CLYBL: variants seen among roughly 807,000 people sequenced by gnomAD.
The protein encoded by CLYBL is citramalyl-CoA lyase.
CLYBL carries 31 observed loss-of-function variants against 38.9 expected under a neutral mutation model. The ratio of observed to expected loss-of-function variants is 0.80; its 90% CI spans 0.60 to 1.08. The LOEUF (loss-of-function observed/expected upper bound fraction) is 1.08, where lower values mean the gene tolerates loss of function less well. Ranked by LOEUF, CLYBL falls within the 50% of genes least tolerant of loss-of-function variation. The pLI is 0.00. For missense variants in CLYBL, 434 were observed against 411.6 expected (o/e 1.05, Z -0.47); for synonymous variants, 171 against 158.6 (o/e 1.08, Z -0.59).
Position 99,866,245 on chromosome 13 carries a change from A to G in CLYBL, c.640A>G (p.Thr214Ala). The stretch of plus-strand genomic sequence containing the variant: ...TGTTAACATCCCATTTTCAGGTGCA[A>G]CAAGTAGTAAAGAAACCCTGGATAT... ...GEDFRASIGA[T>A]SSKETLDILY... The change falls in exon 6 of 9, where the codon ACA (threonine) becomes GCA (alanine). Residue 214 changes from threonine (T) to alanine (A), a missense_variant. Physicochemically the swap from Thr to Ala is moderately conservative, Grantham distance 58. Coordinates refer to ENST00000339105, the MANE Select transcript of CLYBL (RefSeq NM_206808.5). 1 of 1,613,468 alleles carries G rather than the reference A, an allele frequency of 6.2e-7. No homozygotes were observed. Among genetic ancestry groups the G allele is most frequent in the Non-Finnish European group, 8.5e-7 (1 of 1,179,944 alleles).
intron 1 of CLYBL, among the ~76,000 whole-genome samples, chr13:99,721,287 A>G (rs973392785): frequency 6.6e-6 from 1 of 150,440 alleles, no homozygotes; most frequent in African/African-American, 2.4e-5. Flanking sequence ...CAAGTGATCC[A>G]CCCGCCTCAG....
In CLYBL at chr13:99,891,322, C is replaced by T. The variant is rs145710863; in HGVS notation, c.932C>T (p.Ala311Val). 5.6e-6 allele frequency: 9 copies of T among 1,611,020 alleles called. No individual in the cohort carries two copies. The highest frequency in any genetic ancestry group is 7.6e-6 in the Non-Finnish European group (9 of 1,177,460). ...TTTGTATTCTCTGTTTTCCAGGGGG[C>T]CTTTACTTTCCAAGGGAGTATGATC... is the stretch of plus-strand genomic sequence containing the variant. ...FKEHQQLGKG[A>V]FTFQGSMIDM... Residue 311 changes from alanine to valine, a missense_variant, in exon 8 of 9, where the codon GCC becomes GTC. Transcript: ENST00000339105.
intron 2 of CLYBL, among the ~76,000 whole-genome samples, chr13:99,773,224 C>T (rs2049437104): frequency 6.6e-6 from 1 of 152,132 alleles, no homozygotes; most frequent in South Asian, 2.1e-4. Context: ...TTTAAAATCA[C>T]GACCTTCAGT....
intron 1 of CLYBL, among the ~76,000 whole-genome samples, chr13:99,651,919 A>G (rs549416932): frequency 7.5e-6 from 1 of 133,808 alleles, no homozygotes; most frequent in Non-Finnish European, 1.5e-5. Flanking sequence ...GCGACAAAGC[A>G]AGACTCCATC....
intron 1 of CLYBL, among the ~76,000 whole-genome samples, chr13:99,655,223 C>T (rs1026538590): frequency 4.0e-5 from 6 of 151,802 alleles, no homozygotes; most frequent in Non-Finnish European, 8.8e-5. Context: ...TTACAGGCAC[C>T]TGCCATCATG....
intron 2 of CLYBL, among the ~76,000 whole-genome samples, chr13:99,806,481 T>C (rs1225233025): frequency 6.6e-6 from 1 of 152,244 alleles, no homozygotes; most frequent in South Asian, 2.1e-4. Flanking sequence ...AGTATTGCAT[T>C]GTAATTAAGA....
chr13:99,713,586 C>G (rs980938163), intron 1 of CLYBL, among the ~76,000 whole-genome samples: 5 of 152,004 alleles, frequency 3.3e-5, no homozygotes, highest in African/African-American at 4.8e-5. Flanking sequence ...GTGATCCGCC[C>G]TCCTTGGCCT....
chr13:99,786,324 T>A (rs190801931), intron 2 of CLYBL, among the ~76,000 whole-genome samples: 1 of 152,074 alleles, frequency 6.6e-6, no homozygotes, highest in Admixed American at 6.6e-5. Context: ...GTCATTTACA[T>A]TAGGTATATT....
At chr13:99,641,046 C>T (rs2047085334) in intron 1 of CLYBL, among the ~76,000 whole-genome samples, 1 of 152,188 alleles carries the variant, frequency 6.6e-6, no homozygotes, top group Non-Finnish European at 1.5e-5. Context: ...TGAATCATAT[C>T]ACCAAATGAA....
downstream of CLYBL, among the ~76,000 whole-genome samples, chr13:99,897,324 C>T (rs1015647841): frequency 2.0e-5 from 3 of 152,196 alleles, no homozygotes; most frequent in Non-Finnish European, 4.4e-5. Flanking sequence ...CATCCTGGCC[C>T]CATTCCCCCT....
intron 1 of CLYBL, among the ~76,000 whole-genome samples, chr13:99,700,167 C>T (rs1031462140): frequency 6.6e-6 from 1 of 151,636 alleles, no homozygotes; most frequent in African/African-American, 2.4e-5. Flanking sequence ...AAAAACAGCA[C>T]CAAGGCCGGG....
At chr13:99,667,854 G>A (rs1281424636) in intron 1 of CLYBL, among the ~76,000 whole-genome samples, 1 of 152,126 alleles carries the variant, frequency 6.6e-6, no homozygotes, top group Admixed American at 6.5e-5. Context: ...GGAACAAAAG[G>A]ATAGATGCAT....
intron 1 of CLYBL, among the ~76,000 whole-genome samples, chr13:99,770,161 C>T (rs1336568106): frequency 4.4e-4 from 65 of 149,090 alleles, no homozygotes; most frequent in African/African-American, 1.6e-3. Flanking sequence ...GCTCACTGCT[C>T]ACTGCAACCT....
chr13:99,803,423 C>T (rs556043104), intron 2 of CLYBL, among the ~76,000 whole-genome samples: 8 of 152,226 alleles, frequency 5.3e-5, no homozygotes, highest in African/African-American at 4.8e-5. Flanking sequence ...ACATAAATGT[C>T]GTTAGTGTTT....
At chr13:99,877,951 C>G (rs937789929) in intron 7 of CLYBL, among the ~76,000 whole-genome samples, 1 of 151,528 alleles carries the variant, frequency 6.6e-6, no homozygotes, top group South Asian at 2.1e-4. Flanking sequence ...TTTTTTTCCC[C>G]CACTTTAGGT....
At chr13:99,721,446 T>A (rs1388878680) in intron 1 of CLYBL, among the ~76,000 whole-genome samples, 3 of 151,460 alleles carry the variant, frequency 2.0e-5, no homozygotes, top group Non-Finnish European at 2.9e-5. Flanking sequence ...TCAAATTAAT[T>A]TTTCTTTTTT....
chr13:99,641,541 C>T lies in CLYBL; in HGVS notation c.62+34784C>T, dbSNP rs188353319. On this transcript the variant is annotated intron_variant, in intron 1 of 8. Transcript: ENST00000339105. ...AAAATTAGCCGGGCACGGTGGCAGG[C>T]ACCTGTAATCTCAGCACTTTTGGGA... is the stretch of plus-strand genomic sequence containing the variant. Among the ~76,000 whole-genome samples, 699 of 151,586 alleles carry T rather than the reference C, an allele frequency of 4.6e-3. 7 individuals carry two copies. The highest frequency in any genetic ancestry group is 0.022 in the South Asian group (103 of 4,778).
chr13:99,866,208 G>A, intron 5 of CLYBL, 32 bp from the exon 6 acceptor site: 1 of 1,607,982 alleles, frequency 6.2e-7, no homozygotes, highest in East Asian at 2.2e-5. Flanking sequence ...CAAAGTTAAA[G>A]CCTCCTTTTT....
At chr13:99,649,427 T>C (rs763317717) in intron 1 of CLYBL, among the ~76,000 whole-genome samples, 15 of 152,208 alleles carry the variant, frequency 9.9e-5, no homozygotes, top group Non-Finnish European at 1.9e-4. Flanking sequence ...AATTATGTCA[T>C]GAAGATAGAA....
Sources: allele counts gnomAD v4.1 joint callset (sites outside exome capture counted in the v4.1 genomes callset), GRCh38; gene constraint gnomAD v4.1.1; transcripts MANE v1.5; gene names NCBI Gene and HGNC (gene_info 2026-07-23, HGNC 2026-07-21).